The following FLI1 variants were observed in gnomAD, a reference collection of about 807,000 sequenced individuals.
FLI1 encodes the protein Friend leukemia integration 1 transcription factor.
Under a neutral mutation model 53.1 loss-of-function variants are expected in FLI1, and 13 were observed. The observed-to-expected ratio is 0.24, with a 90% CI of 0.16 to 0.39. FLI1 has a LOEUF of 0.39. FLI1 is among the 10% of genes least tolerant of loss of function. The pLI, the probability that FLI1 is intolerant of heterozygous loss-of-function variation, is 1.00. For missense variants in FLI1, 424 were observed against 600.5 expected (o/e 0.71, Z 3.07); for synonymous variants, 244 against 236.7 (o/e 1.03, Z -0.28).
intron 4 of FLI1, among the ~76,000 whole-genome samples, chr11:128,776,829 G>A (rs1387177075): frequency 6.6e-6 from 1 of 152,066 alleles, no homozygotes; most frequent in African/African-American, 2.4e-5. Flanking sequence ...CGTTGCCGAC[G>A]TTCCCCCGGC....
At chr11:128,743,259 A>C (rs978389934) in intron 1 of FLI1, among the ~76,000 whole-genome samples, 1 of 152,034 alleles carries the variant, frequency 6.6e-6, no homozygotes, top group Non-Finnish European at 1.5e-5. Flanking sequence ...ATTAGCTGGC[A>C]TGGTGGTGTG....
At chr11:128,724,245 T>C (rs1460719403) in intron 1 of FLI1, among the ~76,000 whole-genome samples, 12 of 152,130 alleles carry the variant, frequency 7.9e-5, no homozygotes, top group Admixed American at 7.9e-4. Flanking sequence ...GTGCCTGGCC[T>C]GGAGTTGATT....
intron 1 of FLI1, among the ~76,000 whole-genome samples, chr11:128,713,693 G>A (rs949549283): frequency 3.9e-5 from 6 of 152,064 alleles, no homozygotes; most frequent in East Asian, 1.9e-4. Flanking sequence ...GGGGTGCCTC[G>A]GGAGGGCACA....
intron 5 of FLI1, among the ~76,000 whole-genome samples, chr11:128,788,994 C>T (rs189490545): frequency 2.0e-5 from 3 of 152,284 alleles, no homozygotes; most frequent in East Asian, 1.9e-4. Flanking sequence ...TATATTACCA[C>T]GTCTTTCAAT....
chr11:128,782,613 G>C (rs1376379392), intron 5 of FLI1, among the ~76,000 whole-genome samples: 1 of 152,100 alleles, frequency 6.6e-6, no homozygotes, highest in African/African-American at 2.4e-5. Context: ...CATGAGAATC[G>C]CTTGGACCCA....
intron 5 of FLI1, among the ~76,000 whole-genome samples, chr11:128,800,190 G>A (rs1261284376): frequency 6.6e-6 from 1 of 152,196 alleles, no homozygotes; most frequent in African/African-American, 2.4e-5. Flanking sequence ...AGCATGAGCA[G>A]CCTTGCCCAT....
At position 128,811,351 on chromosome 11, in the gene FLI1, C is replaced by T. The variant is rs925440482; in HGVS notation, c.*363C>T. ...ACCAAAGCAGTTTCTTGTCAATACACGGGGTTCAGTATGACACAGAATCAT... is the reference window on the plus strand; with the variant it reads ...ACCAAAGCAGTTTCTTGTCAATACATGGGGTTCAGTATGACACAGAATCAT... On this transcript the variant is annotated 3_prime_UTR_variant, in exon 9 of 9. Transcript: ENST00000527786. 7 of 363,686 alleles carry T rather than the reference C, an allele frequency of 1.9e-5. No homozygotes were observed. Among genetic ancestry groups the T allele is most frequent in the South Asian group, 1.8e-4 (5 of 27,220 alleles). 22.5% of individuals were successfully genotyped at this position (363,686 alleles called of 1,614,324 possible).
intron 1 of FLI1, among the ~76,000 whole-genome samples, chr11:128,716,294 T>C (rs1173399307): frequency 6.6e-6 from 1 of 152,156 alleles, no homozygotes; most frequent in Non-Finnish European, 1.5e-5. Flanking sequence ...TTTCCCTTTA[T>C]GGAGTGCAAA....
chr11:128,784,169 A>G (rs941620752), intron 5 of FLI1, among the ~76,000 whole-genome samples: 4 of 151,520 alleles, frequency 2.6e-5, no homozygotes, highest in Non-Finnish European at 5.9e-5. Context: ...CTTCAGATAT[A>G]GGGTTTAGTT....
chr11:128,693,984 G>GAC (rs1937893529), upstream of FLI1: 1 of 305,240 alleles, frequency 3.3e-6, no homozygotes, highest in South Asian at 1.2e-4. Context: ...GAGAGAGAGA[G>GAC]AGAGAGAGAT....
rs1475974482 is a variant in FLI1 at position 128,753,479 on chromosome 11, T to C, written c.19-4636T>C. 2.0e-5 allele frequency among the ~76,000 whole-genome samples: 3 copies of C among 152,234 alleles called. No homozygotes were observed. In the East Asian group the frequency reaches 5.8e-4, roughly 29 times the overall value. On this transcript the variant is annotated intron_variant, in intron 1 of 8. Transcript: ENST00000527786. ...TCCCTCTGAGGATGGCTGGTGAATT[T>C]GCATGCTGGTGTTCTTCCTACACCC...
chr11:128,737,516 T>G (rs1939959290), intron 1 of FLI1, among the ~76,000 whole-genome samples: 1 of 152,210 alleles, frequency 6.6e-6, no homozygotes. Flanking sequence ...AACCATGAAC[T>G]CATCTGTGAA....
chr11:128,777,448 T>C (rs1402823690), intron 4 of FLI1, among the ~76,000 whole-genome samples: 1 of 152,170 alleles, frequency 6.6e-6, no homozygotes, highest in African/African-American at 2.4e-5. Flanking sequence ...TTCCCATTTT[T>C]AATTTAAACT....
intron 1 of FLI1, among the ~76,000 whole-genome samples, chr11:128,742,643 G>A (rs1001746556): frequency 1.3e-5 from 2 of 152,214 alleles, no homozygotes; most frequent in South Asian, 2.1e-4. Context: ...CTCACAAGGC[G>A]AGTTGCTTCT....
intron 5 of FLI1, among the ~76,000 whole-genome samples, chr11:128,784,863 G>A (rs1037512034): frequency 6.6e-6 from 1 of 152,228 alleles, no homozygotes; most frequent in African/African-American, 2.4e-5. Flanking sequence ...AGAGCTGTGT[G>A]TGTGTGTGTG....
intron 2 of FLI1, among the ~76,000 whole-genome samples, chr11:128,766,762 G>T (rs1233681533): frequency 6.6e-6 from 1 of 151,892 alleles, no homozygotes; most frequent in Admixed American, 6.6e-5. Context: ...CCTGGCAGGG[G>T]ATGGAGGACA....
chr11:128,772,296 T>G (rs1279165212), intron 3 of FLI1, among the ~76,000 whole-genome samples: 2 of 152,200 alleles, frequency 1.3e-5, no homozygotes, highest in East Asian at 3.8e-4. Context: ...TGGGTTTCTG[T>G]TCAAGACTAA....
intron 5 of FLI1, among the ~76,000 whole-genome samples, chr11:128,798,053 G>C (rs2268609): frequency 0.12 from 17,676 of 152,190 alleles, 1,124 homozygotes; most frequent in East Asian, 0.26. Flanking sequence ...GGTCGGAGCA[G>C]GGCAGAGGGC....
Position 128,775,223 on chromosome 11 carries a change from A to G in FLI1, c.589+2238A>G, listed in dbSNP as rs538667014. Reference sequence around the variant, plus strand: ...GGGAAGTAGTTGTTCTGCCATTGAAATGATTATTGGGAAACACCATGAGAA... The same window carrying G: ...GGGAAGTAGTTGTTCTGCCATTGAAGTGATTATTGGGAAACACCATGAGAA... On this transcript the variant is annotated intron_variant, in intron 4 of 8. Coordinates refer to ENST00000527786, the MANE Select transcript of FLI1 (RefSeq NM_002017.5). Among the ~76,000 whole-genome samples, 12 of 152,264 alleles carry G rather than the reference A, an allele frequency of 7.9e-5. No homozygotes were observed. In the South Asian group the frequency reaches 2.5e-3, roughly 32 times the overall value.
Sources: allele counts gnomAD v4.1 joint callset (sites outside exome capture counted in the v4.1 genomes callset), GRCh38; gene constraint gnomAD v4.1.1; transcripts MANE v1.5; gene names NCBI Gene and HGNC (gene_info 2026-07-23, HGNC 2026-07-21).